The following GATAD2B variants were observed in gnomAD, a reference collection of about 807,000 sequenced individuals.
The protein encoded by GATAD2B is GATA zinc finger domain containing 2B.
GATAD2B carries 8 observed loss-of-function variants against 64.3 expected under a neutral mutation model. That is an observed-to-expected ratio of 0.12 (90% CI 0.07 to 0.22). The LOEUF (loss-of-function observed/expected upper bound fraction) is 0.22. Among genes scored for constraint, GATAD2B ranks in the 10% least tolerant of loss-of-function variants. The probability of loss-of-function intolerance (pLI) is 1.00; values close to 1 mark genes in which losing one functional copy is unlikely to be tolerated. For missense variants in GATAD2B, 453 were observed against 752.0 expected (o/e 0.60, Z 4.65); for synonymous variants, 281 against 271.3 (o/e 1.04, Z -0.35).
intron 1 of GATAD2B, among the ~76,000 whole-genome samples, chr1:153,913,166 G>A (rs911420035): frequency 4.0e-5 from 6 of 151,598 alleles, no homozygotes; most frequent in African/African-American, 9.7e-5. Context: ...GACCTCAGGC[G>A]ATCCACCCGC....
chr1:153,860,853 T>C (rs1467506556), intron 1 of GATAD2B, among the ~76,000 whole-genome samples: 2 of 152,138 alleles, frequency 1.3e-5, no homozygotes, highest in Admixed American at 6.6e-5. Context: ...GGTCTTGCTA[T>C]GTTGCTGAGG....
rs1245043728 is a variant in GATAD2B at position 153,828,289 on chromosome 1, G to A, written c.59C>T (p.Pro20Leu). 18 of 1,613,452 alleles carry A rather than the reference G, an allele frequency of 1.1e-5. No individual in the cohort carries two copies. Among genetic ancestry groups the A allele is most frequent in the Non-Finnish European group, 1.4e-5 (17 of 1,180,036 alleles). Residue 20 changes from proline to leucine, a missense_variant, in exon 2 of 11, where the codon CCA (proline) becomes CTA (leucine). Pro to Leu is a moderately conservative substitution (Grantham distance 98). Coordinates refer to ENST00000368655, the MANE Select transcript of GATAD2B (RefSeq NM_020699.4). ...RLNLLKRSLDPADERDDVLAK... is the reference protein window; with the variant it reads ...RLNLLKRSLDLADERDDVLAK... ...CAGGACATCATCTCGCTCATCTGCT[G>A]GGTCCAAGCTCCGCTTCAACAGATT...
chr1:153,892,883 C>CG (rs1677462893), intron 1 of GATAD2B, among the ~76,000 whole-genome samples: 1 of 151,846 alleles, frequency 6.6e-6, no homozygotes. Context: ...TTAGTAGAGA[C>CG]GGGGTTTCAC....
At chr1:153,898,344 A>C (rs1677666663) in intron 1 of GATAD2B, among the ~76,000 whole-genome samples, 1 of 145,306 alleles carries the variant, frequency 6.9e-6, no homozygotes, top group African/African-American at 2.8e-5. Context: ...AAAAAGAAAA[A>C]CAAAAACAAA....
At chr1:153,902,664 C>T (rs1677816272) in intron 1 of GATAD2B, among the ~76,000 whole-genome samples, 1 of 152,022 alleles carries the variant, frequency 6.6e-6, no homozygotes, top group Non-Finnish European at 1.5e-5. Flanking sequence ...CTTTGTTGCC[C>T]ACTCTGGTCT....
At chr1:153,818,636 C>T (rs567301575) in intron 4 of GATAD2B, among the ~76,000 whole-genome samples, 155 bp downstream of exon 4, 2 of 151,750 alleles carry the variant, frequency 1.3e-5, no homozygotes, top group South Asian at 4.2e-4. Flanking sequence ...TTTCTTAAGG[C>T]CTAAGATTAA....
chr1:153,860,422 A>G (rs569160903), intron 1 of GATAD2B, among the ~76,000 whole-genome samples: 3 of 151,562 alleles, frequency 2.0e-5, no homozygotes, highest in African/African-American at 7.3e-5. Flanking sequence ...GTAACCTTGA[A>G]CTCCTAGGGT....
intron 1 of GATAD2B, among the ~76,000 whole-genome samples, chr1:153,863,566 G>T (rs1454348856): frequency 4.0e-5 from 6 of 150,552 alleles, no homozygotes; most frequent in Non-Finnish European, 3.0e-5. Context: ...ATTAAATAAA[G>T]GAATAGGAGT....
chr1:153,892,114 G>A lies in GATAD2B; in HGVS notation c.-2+30619C>T, dbSNP rs1240384227. Among the ~76,000 whole-genome samples the A allele has an allele frequency of 3.6e-5, 5 of 139,730 alleles. 1 individual carries two copies. Among genetic ancestry groups the A allele is most frequent in the Admixed American group, 7.8e-5 (1 of 12,836 alleles). The allele number at this position is 139,730 out of a possible 152,430, so 91.7% of individuals were successfully genotyped here. On this transcript the variant is annotated intron_variant, in intron 1 of 10. Coordinates refer to ENST00000368655, the MANE Select transcript of GATAD2B (RefSeq NM_020699.4). ...CAGGAGGCGGAGGTTGCAGTGAGCC[G>A]AGATCATTTCACTGCACTCTAGCCT...
At chr1:153,824,371 C>T (rs1674794071) in intron 2 of GATAD2B, among the ~76,000 whole-genome samples, 1 of 152,102 alleles carries the variant, frequency 6.6e-6, no homozygotes, top group East Asian at 1.9e-4. Context: ...GGCTCACGCC[C>T]ATAATCCCGG....
rs777975981 is a variant in GATAD2B at position 153,818,937 on chromosome 1, A to G, written c.466-15T>C. Reference sequence around the variant, plus strand: ...ATGCCTTTCCCCTAAGGAAACAAGAAGACTTTCAGCTATGGCAGCAAGGTA... The same window carrying G: ...ATGCCTTTCCCCTAAGGAAACAAGAGGACTTTCAGCTATGGCAGCAAGGTA... On this transcript the variant is annotated splice_polypyrimidine_tract_variant and intron_variant, in intron 3 of 10. Coordinates refer to ENST00000368655, the MANE Select transcript of GATAD2B (RefSeq NM_020699.4). 5.6e-6 allele frequency: 9 copies of G among 1,606,794 alleles called. No individual in the cohort carries two copies. In the Admixed American group the frequency reaches 1.3e-4, roughly 24 times the overall value.
intron 1 of GATAD2B, among the ~76,000 whole-genome samples, chr1:153,891,574 TAAAAAAAAAAA>T (rs1163572311): frequency 5.0e-4 from 10 of 19,946 alleles, no homozygotes; most frequent in East Asian, 2.0e-3. Flanking sequence ...CTGTCTCGTT[TAAAAAAAAAAA>T]AAAAAAAAAA....
intron 1 of GATAD2B, among the ~76,000 whole-genome samples, chr1:153,908,262 G>A (rs1678008302): frequency 1.3e-5 from 2 of 152,172 alleles, no homozygotes; most frequent in African/African-American, 2.4e-5. Context: ...GGGAGGCTAA[G>A]GTGGGAGGAC....
intron 1 of GATAD2B, among the ~76,000 whole-genome samples, chr1:153,845,807 C>T (rs1432809243): frequency 1.3e-5 from 2 of 151,938 alleles, no homozygotes; most frequent in African/African-American, 2.4e-5. Context: ...TGGTGGCATG[C>T]GTCCACAGTT....
Position 153,809,764 on chromosome 1 carries a change from T to C in GATAD2B, c.*413A>G, listed in dbSNP as rs1204275645. On this transcript the variant is annotated 3_prime_UTR_variant, in exon 11 of 11. Coordinates refer to ENST00000368655, the MANE Select transcript of GATAD2B (RefSeq NM_020699.4). ...AGGAAAAAGAAAAAGATTGGTTGAG[T>C]GGGGGAAGGTTTAACCGTCCACTGA... is the stretch of plus-strand genomic sequence containing the variant. The C allele has an allele frequency of 6.8e-6, 1 of 146,626 alleles. No individual in the cohort carries two copies. Among genetic ancestry groups the C allele is most frequent in the Non-Finnish European group, 1.5e-5 (1 of 67,336 alleles). 9.1% of individuals were successfully genotyped at this position (146,626 alleles called of 1,614,324 possible).
chr1:153,862,383 A>G (rs1012718485), intron 1 of GATAD2B, among the ~76,000 whole-genome samples: 1 of 151,982 alleles, frequency 6.6e-6, no homozygotes, highest in Non-Finnish European at 1.5e-5. Context: ...TCAACCTCCC[A>G]AAGTGCCAGG....
chr1:153,836,098 T>C (rs982295242), intron 1 of GATAD2B, among the ~76,000 whole-genome samples: 31 of 151,980 alleles, frequency 2.0e-4, no homozygotes, highest in African/African-American at 7.5e-4. Context: ...TGCTTTATTG[T>C]GGTGGTCTGG....
At chr1:153,905,015 GTCT>G (rs1677883970) in intron 1 of GATAD2B, among the ~76,000 whole-genome samples, 1 of 150,272 alleles carries the variant, frequency 6.7e-6, no homozygotes, top group Admixed American at 6.6e-5. Context: ...CCTAATTTTT[GTCT>G]TCTTTAGTAG....
chr1:153,866,993 T>C (rs901807577), intron 1 of GATAD2B, among the ~76,000 whole-genome samples: 3 of 152,130 alleles, frequency 2.0e-5, no homozygotes, highest in Non-Finnish European at 4.4e-5. Flanking sequence ...TTGGTCAGGA[T>C]GGTCTTGATC....
Sources: allele counts gnomAD v4.1 joint callset (sites outside exome capture counted in the v4.1 genomes callset), GRCh38; gene constraint gnomAD v4.1.1; transcripts MANE v1.5; gene names NCBI Gene and HGNC (gene_info 2026-07-23, HGNC 2026-07-21).